Variants in LPP observed in about 807,000 individuals in gnomAD.
LPP encodes the protein lipoma-preferred partner.
A neutral mutation model predicts 60.4 loss-of-function variants in LPP; 38 were observed. The ratio of observed to expected loss-of-function variants is 0.63; its 90% confidence interval spans 0.49 to 0.83. The LOEUF (loss-of-function observed/expected upper bound fraction) is 0.83, where lower values mean the gene tolerates loss of function less well. LPP is among the 40% of genes least tolerant of loss of function. The pLI is 0.00. For missense variants in LPP, 902 were observed against 783.6 expected (o/e 1.15, Z -1.80); for synonymous variants, 328 against 290.8 (o/e 1.13, Z -1.30).
chr3:188,607,754 G>T (rs1056476859), intron 6 of LPP, among the ~76,000 whole-genome samples: 8 of 152,058 alleles, frequency 5.3e-5, no homozygotes, highest in African/African-American at 1.9e-4. Flanking sequence ...CCCAAAAACA[G>T]ATACTTCAAA....
chr3:188,819,772 A>T (rs1371783986), intron 9 of LPP, among the ~76,000 whole-genome samples: 1 of 152,130 alleles, frequency 6.6e-6, no homozygotes, highest in African/African-American at 2.4e-5. Flanking sequence ...AGGAACTAAG[A>T]CATAAAAGTA....
Position 188,865,685 on chromosome 3 carries a change from T to G in LPP, c.1411-515T>G, listed in dbSNP as rs1436230665. 1.1e-4 allele frequency among the ~76,000 whole-genome samples: 5 copies of G among 44,894 alleles called. No individual in the cohort carries two copies. The South Asian group carries it at 4.3e-3, about 39-fold the overall frequency. The allele number at this position is 44,894 out of a possible 152,430, so 29.5% of individuals were successfully genotyped here. On this transcript the variant is annotated intron_variant, in intron 9 of 11. Coordinates refer to ENST00000617246, the MANE Select transcript of LPP (RefSeq NM_001375462.1). ...GGGTCAAATCCAGCCCATTGTCTGT[T>G]TTTTTTTTGTAAATAAAGTATTACT...
intron 3 of LPP, among the ~76,000 whole-genome samples, chr3:188,369,361 T>A (rs1242653047): frequency 2.0e-5 from 3 of 152,030 alleles, no homozygotes; most frequent in Non-Finnish European, 4.4e-5. Context: ...ACATTAAGCT[T>A]AGTAATGGAA....
chr3:188,634,906 G>A (rs1848452534), intron 7 of LPP, among the ~76,000 whole-genome samples: 1 of 152,108 alleles, frequency 6.6e-6, no homozygotes, highest in East Asian at 1.9e-4. Context: ...CCCAATCCAT[G>A]GAAAAATTGG....
rs541590668 is a variant in LPP, at chr3:188,647,082, CCTT to C, written c.1113+37245_1113+37247del. Among the ~76,000 whole-genome samples, 12 of 152,326 alleles carry C rather than the reference CCTT, an allele frequency of 7.9e-5. 1 individual carries two copies. Among genetic ancestry groups the C allele is most frequent in the East Asian group, 3.9e-4 (2 of 5,180 alleles). On this transcript the variant is annotated intron_variant, in intron 7 of 11. Transcript: ENST00000617246. Reference sequence around the variant, plus strand: ...TATTTACTTCTTTTCATCCACTCACCCTTCTTCTTAACAGTTGGAACCCCTGTT... The same window carrying C: ...TATTTACTTCTTTTCATCCACTCACCCTTCTTAACAGTTGGAACCCCTGTT...
At chr3:188,710,219 G>A (rs1411574089) in intron 8 of LPP, 1 of 152,176 alleles carries the variant, frequency 6.6e-6, no homozygotes, top group Non-Finnish European at 1.5e-5. Context: ...TGAAGTAGGA[G>A]GTATTAGGAT....
At chr3:188,205,109 T>C (rs1732800153) in intron 1 of LPP, among the ~76,000 whole-genome samples, 1 of 152,122 alleles carries the variant, frequency 6.6e-6, no homozygotes, top group Admixed American at 6.6e-5. Flanking sequence ...GATTGTAATA[T>C]TGTACAATTC....
At chr3:188,548,286 G>A (rs187172122) in intron 6 of LPP, among the ~76,000 whole-genome samples, 5 of 152,224 alleles carry the variant, frequency 3.3e-5, no homozygotes, top group Admixed American at 2.6e-4. Flanking sequence ...TCATAAACTA[G>A]GGAACTGGAC....
chr3:188,699,166 A>G lies in LPP; in HGVS notation c.1114-9101A>G, dbSNP rs1863874395. ...CAACAATAGAAAAAGAAATCACTGG[A>G]GAACTTAAGTAGTATCTTAGACATC... On this transcript the variant is annotated intron_variant, in intron 7 of 11. Transcript: ENST00000617246. Among the ~76,000 whole-genome samples, 5 of 152,360 alleles carry G rather than the reference A, an allele frequency of 3.3e-5. No individual in the cohort carries two copies. In the South Asian group the frequency reaches 1.0e-3, roughly 32 times the overall value.
chr3:188,447,882 G>T (rs1426744656), intron 4 of LPP, among the ~76,000 whole-genome samples: 1 of 151,958 alleles, frequency 6.6e-6, no homozygotes, highest in Admixed American at 6.6e-5. Flanking sequence ...TTTCTATTTT[G>T]TTTACTACCA....
At chr3:188,269,562 G>A (rs1736861144) in intron 2 of LPP, among the ~76,000 whole-genome samples, 1 of 151,912 alleles carries the variant, frequency 6.6e-6, no homozygotes, top group Non-Finnish European at 1.5e-5. Context: ...TGGAAATAAA[G>A]CATCACATGA....
At chr3:188,458,032 A>G (rs936466306) in intron 4 of LPP, among the ~76,000 whole-genome samples, 12 of 152,198 alleles carry the variant, frequency 7.9e-5, no homozygotes, top group Non-Finnish European at 1.6e-4. Flanking sequence ...CAGATATTGT[A>G]TTTTTAGTTC....
chr3:188,855,085 G>A (rs1763508857), intron 9 of LPP, among the ~76,000 whole-genome samples: 1 of 152,176 alleles, frequency 6.6e-6, no homozygotes, highest in African/African-American at 2.4e-5. Flanking sequence ...ACCCATGGTA[G>A]ACAAATACTG....
chr3:188,243,321 C>T (rs1329393334), intron 2 of LPP, among the ~76,000 whole-genome samples: 1 of 152,130 alleles, frequency 6.6e-6, no homozygotes, highest in African/African-American at 2.4e-5. Context: ...TTTAGTTTCC[C>T]ATGACTCATA....
intron 6 of LPP, among the ~76,000 whole-genome samples, chr3:188,530,362 C>T (rs1474810493): frequency 1.3e-5 from 2 of 152,146 alleles, no homozygotes; most frequent in Non-Finnish European, 2.9e-5. Context: ...GTGTTTGAAA[C>T]CAAAATTTCT....
intron 9 of LPP, among the ~76,000 whole-genome samples, chr3:188,802,851 C>T (rs1401038799): frequency 2.0e-5 from 3 of 151,834 alleles, no homozygotes; most frequent in African/African-American, 4.8e-5. Flanking sequence ...TAAAAGTATA[C>T]TTGGCTAAGT....
chr3:188,536,568 A>G (rs774910662), intron 6 of LPP, among the ~76,000 whole-genome samples: 14 of 152,368 alleles, frequency 9.2e-5, no homozygotes, highest in East Asian at 3.9e-4. Context: ...TTAAAAATAT[A>G]TCTAAACTTC....
chr3:188,469,409 A>G (rs1425258045), intron 4 of LPP, among the ~76,000 whole-genome samples: 1 of 151,902 alleles, frequency 6.6e-6, no homozygotes, highest in Non-Finnish European at 1.5e-5. Flanking sequence ...GGACAAAACT[A>G]CCCTCTTTGA....
At chr3:188,342,359 A>G (rs1763276126) in intron 3 of LPP, among the ~76,000 whole-genome samples, 1 of 152,232 alleles carries the variant, frequency 6.6e-6, no homozygotes, top group Admixed American at 6.5e-5. Context: ...AGAAGAATAC[A>G]TTTGTCTTGA....
Sources: allele counts gnomAD v4.1 joint callset (sites outside exome capture counted in the v4.1 genomes callset), GRCh38; gene constraint gnomAD v4.1.1; transcripts MANE v1.5; gene names NCBI Gene and HGNC (gene_info 2026-07-23, HGNC 2026-07-21).